LHFPL3: variants seen among roughly 807,000 people sequenced by gnomAD.
LHFPL3 encodes LHFPL tetraspan subfamily member 3 protein.
A neutral mutation model predicts 19.3 loss-of-function variants in LHFPL3; 5 were observed. The observed-to-expected ratio is 0.26, with a 90% CI of 0.14 to 0.54. The LOEUF (loss-of-function observed/expected upper bound fraction) is 0.54, where lower values mean the gene tolerates loss of function less well. Ranked by LOEUF, LHFPL3 falls within the 20% of genes least tolerant of loss-of-function variation. The pLI, the probability that LHFPL3 is intolerant of heterozygous loss-of-function variation, is 0.94. For missense variants in LHFPL3, 249 were observed against 307.4 expected (o/e 0.81, Z 1.42); for synonymous variants, 133 against 126.2 (o/e 1.05, Z -0.36).
At chr7:104,603,293 C>A (rs1002005552) in intron 1 of LHFPL3, among the ~76,000 whole-genome samples, 1 of 151,514 alleles carries the variant, frequency 6.6e-6, no homozygotes, top group Non-Finnish European at 1.5e-5. Context: ...CTTCCAAGGC[C>A]CAAGCAGTCC....
intron 1 of LHFPL3, among the ~76,000 whole-genome samples, chr7:104,441,341 G>T (rs1436836774): frequency 6.6e-6 from 1 of 152,056 alleles, no homozygotes; most frequent in African/African-American, 2.4e-5. Context: ...GACAATTTCT[G>T]TTACTGGCTT....
At chr7:104,736,535 T>C in intron 1 of LHFPL3, 140 bp from the exon 2 acceptor site, 1 of 632,520 alleles carries the variant, frequency 1.6e-6, no homozygotes, top group Non-Finnish European at 2.8e-6. Flanking sequence ...ACATTCAGAG[T>C]GACAGTGGTG....
At chr7:104,838,825 G>A (rs1791145157) in intron 2 of LHFPL3, among the ~76,000 whole-genome samples, 1 of 152,184 alleles carries the variant, frequency 6.6e-6, no homozygotes, top group South Asian at 2.1e-4. Context: ...GTGTTGGAAT[G>A]TGCAAGTACA....
chr7:104,425,011 ATC>A (rs1791815074), intron 1 of LHFPL3, among the ~76,000 whole-genome samples: 1 of 149,046 alleles, frequency 6.7e-6, no homozygotes, highest in Non-Finnish European at 1.5e-5. Flanking sequence ...AAAAAGAAGT[ATC>A]TGACTCAAAA....
intron 1 of LHFPL3, among the ~76,000 whole-genome samples, chr7:104,348,341 T>G (rs188059377): frequency 1.3e-5 from 2 of 152,278 alleles, no homozygotes; most frequent in African/African-American, 2.4e-5. Context: ...CGAGATCTCG[T>G]ACTATTGCAC....
At chr7:104,668,319 G>C (rs2116023369) in intron 1 of LHFPL3, 1 of 1,601,244 alleles carries the variant, frequency 6.2e-7, no homozygotes, top group South Asian at 1.1e-5. Flanking sequence ...TAGAAATCGG[G>C]ATTCTGACAA....
rs139897400 is a variant in LHFPL3, at chr7:104,523,850, C to T, written c.445+194626C>T. On this transcript the variant is annotated intron_variant, in intron 1 of 2. Transcript: ENST00000424859. ...ATGGTAATCCACCAACCTGGCAATGCTCCTCAGGAAGGTTTAAAATACTCA... is the reference window on the plus strand; with the variant it reads ...ATGGTAATCCACCAACCTGGCAATGTTCCTCAGGAAGGTTTAAAATACTCA... 1.2e-3 allele frequency among the ~76,000 whole-genome samples: 179 copies of T among 152,260 alleles called. 2 individuals are homozygous for T. The East Asian group carries it at 0.029, about 25-fold the overall frequency.
chr7:104,652,973 T>A (rs896339998), intron 1 of LHFPL3, among the ~76,000 whole-genome samples: 1 of 152,080 alleles, frequency 6.6e-6, no homozygotes, highest in Non-Finnish European at 1.5e-5. Flanking sequence ...AACTGGTGCT[T>A]ATGTAGTTAG....
chr7:104,782,944 G>A (rs753424021), intron 2 of LHFPL3, among the ~76,000 whole-genome samples: 105 of 152,320 alleles, frequency 6.9e-4, no homozygotes, highest in African/African-American at 2.2e-3. Flanking sequence ...AAGTGCGCAC[G>A]CGCGCACACA....
At chr7:104,685,439 A>C (rs1562965379) in intron 1 of LHFPL3, among the ~76,000 whole-genome samples, 1 of 151,648 alleles carries the variant, frequency 6.6e-6, no homozygotes, top group African/African-American at 2.4e-5. Context: ...AGTGTGTGTA[A>C]ACACACACAC....
chr7:104,592,813 C>T (rs1340795358), intron 1 of LHFPL3, among the ~76,000 whole-genome samples: 4 of 152,264 alleles, frequency 2.6e-5, no homozygotes, highest in African/African-American at 9.6e-5. Flanking sequence ...GTGGATGCCC[C>T]TCCCCCAGCC....
In LHFPL3 at chr7:104,907,508, C is replaced by T. The variant is rs79039929; in HGVS notation, c.*1293C>T. On this transcript the variant is annotated 3_prime_UTR_variant, in exon 3 of 3. Coordinates refer to ENST00000424859, the MANE Select transcript of LHFPL3 (RefSeq NM_199000.3). ...GCTCCCAGGCTTCCCCCATCATCACCCTCACCACATATCCTGCTAATATCC... is the reference window on the plus strand; with the variant it reads ...GCTCCCAGGCTTCCCCCATCATCACTCTCACCACATATCCTGCTAATATCC... Among the ~76,000 whole-genome samples the T allele has an allele frequency of 9.4e-3, 1,425 of 152,230 alleles. 16 individuals carry two copies. The highest frequency in any genetic ancestry group is 0.032 in the African/African-American group (1,331 of 41,538).
chr7:104,666,614 C>G (rs989670857), intron 1 of LHFPL3, among the ~76,000 whole-genome samples: 2 of 140,516 alleles, frequency 1.4e-5, no homozygotes, highest in African/African-American at 5.2e-5. Context: ...CTCCGCCTCC[C>G]GGGTTCACGC....
chr7:104,763,642 A>G (rs1277502357), intron 2 of LHFPL3, among the ~76,000 whole-genome samples: 1 of 152,200 alleles, frequency 6.6e-6, no homozygotes, highest in East Asian at 1.9e-4. Flanking sequence ...GCTACTTCTC[A>G]GCTTCACAGG....
chr7:104,416,411 A>C (rs1488601135), intron 1 of LHFPL3, among the ~76,000 whole-genome samples: 1 of 152,174 alleles, frequency 6.6e-6, no homozygotes, highest in African/African-American at 2.4e-5. Context: ...CTAGAAAATG[A>C]ATACACCACC....
At chr7:104,550,925 T>C (rs1274971279) in intron 1 of LHFPL3, among the ~76,000 whole-genome samples, 1 of 152,158 alleles carries the variant, frequency 6.6e-6, no homozygotes, top group African/African-American at 2.4e-5. Context: ...CTTCAAACAA[T>C]CTTCTTATCT....
chr7:104,353,292 CAG>C (rs1790215266), intron 1 of LHFPL3, among the ~76,000 whole-genome samples: 1 of 152,168 alleles, frequency 6.6e-6, no homozygotes, highest in South Asian at 2.1e-4. Context: ...CTGCATGAAA[CAG>C]GAGTAAATTA....
At chr7:104,428,641 C>T (rs1045192013) in intron 1 of LHFPL3, among the ~76,000 whole-genome samples, 7 of 152,134 alleles carry the variant, frequency 4.6e-5, no homozygotes, top group Non-Finnish European at 1.0e-4. Context: ...CAGTTGTGAC[C>T]TGTCTTTGTG....
intron 1 of LHFPL3, among the ~76,000 whole-genome samples, chr7:104,457,473 C>G (rs1209235078): frequency 6.6e-6 from 1 of 152,010 alleles, no homozygotes; most frequent in Non-Finnish European, 1.5e-5. Flanking sequence ...CATAGTATTC[C>G]ATGGTGTATA....
Sources: gnomAD v4.1 joint callset for allele counts (sites outside exome capture counted in the v4.1 genomes callset) on GRCh38, gnomAD v4.1.1 for gene constraint, MANE v1.5 for transcripts, NCBI Gene and HGNC (gene_info 2026-07-23, HGNC 2026-07-21) for gene names.